Variants in NOL4 observed in about 807,000 individuals in gnomAD.
The protein encoded by NOL4 is nucleolar protein 4.
In NOL4, 17 loss-of-function variants were observed where a neutral mutation model predicts 75.9. That is an observed-to-expected ratio of 0.22 (90% CI 0.15 to 0.34). The LOEUF is 0.34. NOL4 is among the 10% of genes least tolerant of loss of function. The probability of loss-of-function intolerance (pLI) is 1.00; values close to 1 mark genes in which losing one functional copy is unlikely to be tolerated. For missense variants in NOL4, 614 were observed against 793.5 expected (o/e 0.77, Z 2.72); for synonymous variants, 292 against 289.9 (o/e 1.01, Z -0.07).
chr18:34,193,100 C>A (rs770354029), intron 1 of NOL4, among the ~76,000 whole-genome samples: 4 of 152,060 alleles, frequency 2.6e-5, no homozygotes, highest in South Asian at 2.1e-4. Flanking sequence ...ATACCATATA[C>A]AAAAATTAAC....
chr18:33,970,899 G>A (rs1269143379), intron 6 of NOL4, among the ~76,000 whole-genome samples: 1 of 152,082 alleles, frequency 6.6e-6, no homozygotes, highest in African/African-American at 2.4e-5. Flanking sequence ...AGTGTTAGGT[G>A]TTCTCGGGCC....
chr18:33,868,254 G>A (rs945690440), intron 10 of NOL4, among the ~76,000 whole-genome samples: 2 of 151,406 alleles, frequency 1.3e-5, no homozygotes, highest in Non-Finnish European at 2.9e-5. Context: ...ATGTTGCCCA[G>A]GCTGGTCTCG....
rs114769880 is a variant in NOL4 at position 34,159,953 on chromosome 18, T to C, written c.265-29933A>G. Among the ~76,000 whole-genome samples the C allele has an allele frequency of 6.9e-3, 1,051 of 152,102 alleles. 13 individuals carry two copies. The highest frequency in any genetic ancestry group is 0.023 in the African/African-American group (961 of 41,488). ...GTTGTCAGCTGGCCATATCCAGTCA[T>C]CCCTGGCCAGGTAAACTAAGTGCTC... On this transcript the variant is annotated intron_variant, in intron 1 of 10. Coordinates refer to ENST00000261592, the MANE Select transcript of NOL4 (RefSeq NM_003787.5).
At chr18:34,194,000 T>C (rs1393274317) in intron 1 of NOL4, among the ~76,000 whole-genome samples, 1 of 152,166 alleles carries the variant, frequency 6.6e-6, no homozygotes, top group Non-Finnish European at 1.5e-5. Flanking sequence ...CATGATCTCA[T>C]TTATATGTGA....
At chr18:34,112,862 T>C (rs1359205228) in intron 2 of NOL4, among the ~76,000 whole-genome samples, 1 of 152,244 alleles carries the variant, frequency 6.6e-6, no homozygotes, top group Non-Finnish European at 1.5e-5. Context: ...TGTTACCACA[T>C]GTACCCACAA....
At chr18:34,178,808 A>C (rs1312244276) in intron 1 of NOL4, among the ~76,000 whole-genome samples, 1 of 151,700 alleles carries the variant, frequency 6.6e-6, no homozygotes, top group Non-Finnish European at 1.5e-5. Flanking sequence ...AGACCAGAAA[A>C]GAAATAGAGA....
intron 10 of NOL4, among the ~76,000 whole-genome samples, chr18:33,875,394 G>T (rs1399832535): frequency 6.6e-6 from 1 of 151,960 alleles, no homozygotes; most frequent in Non-Finnish European, 1.5e-5. Flanking sequence ...TTGGATTGTT[G>T]GGTGCAGCCC....
intron 1 of NOL4, among the ~76,000 whole-genome samples, chr18:34,186,982 T>A (rs2034508427): frequency 6.6e-6 from 1 of 152,192 alleles, no homozygotes; most frequent in Admixed American, 6.5e-5. Context: ...GCTATCAACA[T>A]CCTGCACCAG....
At chr18:34,017,839 T>C (rs1053686418) in intron 6 of NOL4, among the ~76,000 whole-genome samples, 1 of 152,164 alleles carries the variant, frequency 6.6e-6, no homozygotes, top group Non-Finnish European at 1.5e-5. Context: ...CTTCATTTAC[T>C]AAGCCATAAA....
intron 1 of NOL4, among the ~76,000 whole-genome samples, chr18:34,139,522 TC>T (rs1473293897): frequency 2.0e-5 from 3 of 152,158 alleles, no homozygotes; most frequent in Non-Finnish European, 2.9e-5. Flanking sequence ...TCAGTGGTGA[TC>T]TCCCCTTTAT....
intron 2 of NOL4, among the ~76,000 whole-genome samples, chr18:34,126,807 C>T (rs1348977881): frequency 6.6e-6 from 1 of 152,028 alleles, no homozygotes; most frequent in Non-Finnish European, 1.5e-5. Context: ...TTGCTAACCA[C>T]ATCTGCATTC....
At chr18:33,911,869 A>G (rs899158372) in intron 9 of NOL4, among the ~76,000 whole-genome samples, 1 of 152,090 alleles carries the variant, frequency 6.6e-6, no homozygotes, top group Non-Finnish European at 1.5e-5. Flanking sequence ...CATTTTTAGC[A>G]TATTTTTCCA....
chr18:34,031,558 T>G (rs532281349), intron 5 of NOL4, among the ~76,000 whole-genome samples: 16 of 152,326 alleles, frequency 1.1e-4, no homozygotes, highest in African/African-American at 3.6e-4. Context: ...TCAAGATGGT[T>G]GCCTAGAGGC....
At chr18:34,069,205 A>G (rs944064681) in intron 5 of NOL4, among the ~76,000 whole-genome samples, 1 of 152,190 alleles carries the variant, frequency 6.6e-6, no homozygotes, top group Non-Finnish European at 1.5e-5. Context: ...CTCTAAGAAA[A>G]CACCAAATGG....
chr18:34,020,353 T>C (rs887176612), intron 5 of NOL4, among the ~76,000 whole-genome samples: 14 of 152,194 alleles, frequency 9.2e-5, no homozygotes, highest in Non-Finnish European at 2.9e-5. Flanking sequence ...CCAGTGAGAA[T>C]ATCTAGATTT....
At chr18:33,879,086 T>C (rs2064102938) in intron 10 of NOL4, among the ~76,000 whole-genome samples, 1 of 152,118 alleles carries the variant, frequency 6.6e-6, no homozygotes, top group Non-Finnish European at 1.5e-5. Flanking sequence ...TGAAGTTTAT[T>C]TGCATCACTT....
chr18:34,044,435 CAAATT>C (rs1256304416), intron 5 of NOL4, among the ~76,000 whole-genome samples: 2 of 151,658 alleles, frequency 1.3e-5, no homozygotes, highest in Non-Finnish European at 2.9e-5. Context: ...TAAAACTTCC[CAAATT>C]AAAAGTTATT....
chr18:34,211,775 G>A (rs1039980453), intron 1 of NOL4, among the ~76,000 whole-genome samples: 3 of 152,116 alleles, frequency 2.0e-5, no homozygotes. Flanking sequence ...ATAAACCTCA[G>A]ATAGAAAGGA....
intron 6 of NOL4, among the ~76,000 whole-genome samples, chr18:33,971,184 A>G (rs140291793): frequency 0.016 from 2,377 of 152,292 alleles, 63 homozygotes; most frequent in African/African-American, 0.054. Context: ...TTATACTTTC[A>G]TACCAGGAAT....
Sources: gnomAD v4.1 joint callset for allele counts (sites outside exome capture counted in the v4.1 genomes callset) on GRCh38, gnomAD v4.1.1 for gene constraint, MANE v1.5 for transcripts, NCBI Gene and HGNC (gene_info 2026-07-23, HGNC 2026-07-21) for gene names.